NRXN1: variants seen among roughly 807,000 people sequenced by gnomAD.
The protein encoded by NRXN1 is neurexin-1.
A neutral mutation model predicts 150.9 loss-of-function variants in NRXN1; 39 were observed. The observed-to-expected ratio is 0.26, with a 90% CI of 0.20 to 0.34. The LOEUF is 0.34. Ranked by LOEUF, NRXN1 falls within the 10% of genes least tolerant of loss-of-function variation. The pLI is 1.00. For synonymous variants in NRXN1, 924 were observed against 757.0 expected (o/e 1.22, Z -3.62); for missense variants, 1,815 against 1,949.9 (o/e 0.93, Z 1.30).
At chr2:50,750,104 G>A (rs999972061) in intron 5 of NRXN1, among the ~76,000 whole-genome samples, 1 of 151,964 alleles carries the variant, frequency 6.6e-6, no homozygotes, top group African/African-American at 2.4e-5. Context: ...AGGTCCTGTA[G>A]TTCTATTCTA....
At chr2:50,484,925 A>C (rs2090756636) in intron 15 of NRXN1, among the ~76,000 whole-genome samples, 1 of 152,226 alleles carries the variant, frequency 6.6e-6, no homozygotes, top group Non-Finnish European at 1.5e-5. Context: ...GATTAAAATA[A>C]ATGTTAGCTT....
intron 15 of NRXN1, among the ~76,000 whole-genome samples, chr2:50,492,873 C>T (rs540352776): frequency 6.6e-6 from 1 of 152,184 alleles, no homozygotes; most frequent in Admixed American, 6.5e-5. Flanking sequence ...TGCATTATTT[C>T]AGGACTCTGA....
At chr2:50,702,181 T>C (rs367819816) in intron 5 of NRXN1, among the ~76,000 whole-genome samples, 1 of 152,114 alleles carries the variant, frequency 6.6e-6, no homozygotes, top group African/African-American at 2.4e-5. Context: ...CATTATTATG[T>C]ACAAAGCTCA....
At chr2:50,396,680 G>T (rs569105627) in intron 17 of NRXN1, among the ~76,000 whole-genome samples, 2 of 152,066 alleles carry the variant, frequency 1.3e-5, no homozygotes, top group Non-Finnish European at 2.9e-5. Context: ...GACTGTTTAA[G>T]TATAACCATA....
intron 17 of NRXN1, among the ~76,000 whole-genome samples, chr2:50,238,905 G>C (rs1199577626): frequency 1.3e-5 from 2 of 151,936 alleles, no homozygotes; most frequent in Non-Finnish European, 2.9e-5. Flanking sequence ...AAGCTATAGA[G>C]GCTGTACCCT....
At position 50,053,268 on chromosome 2, in the gene NRXN1, C is replaced by T. The variant is rs1274997363; in HGVS notation, c.4128+3G>A. ...AATGAAGGAATAAAATCCACAGGCT[C>T]ACCTGGCTAATGGGTTCTTTTGTCG... On this transcript the variant is annotated splice_donor_region_variant and intron_variant, in intron 21 of 22. Transcript: ENST00000401669. 1.2e-6 allele frequency: 2 copies of T among 1,613,746 alleles called. No homozygotes were observed. The highest frequency in any genetic ancestry group is 1.7e-5 in the Admixed American group (1 of 59,956).
chr2:50,201,040 T>A (rs552388287), intron 18 of NRXN1, among the ~76,000 whole-genome samples: 3 of 152,260 alleles, frequency 2.0e-5, no homozygotes, highest in Admixed American at 1.3e-4. Context: ...CTGTTTAATT[T>A]CTGAGGCCAG....
chr2:50,868,141 TTATATATATA>T (rs70958631), intron 5 of NRXN1, among the ~76,000 whole-genome samples: 2,715 of 87,534 alleles, frequency 0.031, 102 homozygotes, highest in Middle Eastern at 0.051. Context: ...AAACAAAATA[TTATATATATA>T]TATATATATA....
At chr2:50,584,821 T>C (rs959331601) in intron 8 of NRXN1, among the ~76,000 whole-genome samples, 1 of 152,184 alleles carries the variant, frequency 6.6e-6, no homozygotes, top group Non-Finnish European at 1.5e-5. Flanking sequence ...GTTCACAGTA[T>C]ATCTATATGA....
chr2:50,163,355 A>G (rs935161447), intron 18 of NRXN1, among the ~76,000 whole-genome samples: 10 of 152,062 alleles, frequency 6.6e-5, no homozygotes, highest in African/African-American at 9.7e-5. Flanking sequence ...ACTTTCTTCT[A>G]TTAAATTACC....
chr2:49,965,358 C>T (rs147285181), intron 21 of NRXN1, among the ~76,000 whole-genome samples: 250 of 152,192 alleles, frequency 1.6e-3, no homozygotes, highest in African/African-American at 5.7e-3. Context: ...CCTCCGCCTC[C>T]CAAGTTCAAA....
chr2:50,323,202 T>C (rs1342418647), intron 17 of NRXN1, among the ~76,000 whole-genome samples: 3 of 152,146 alleles, frequency 2.0e-5, no homozygotes, highest in South Asian at 2.1e-4. Context: ...CTCTAAAACT[T>C]TAACATACAG....
chr2:49,928,864 C>A (rs1669615541), intron 22 of NRXN1, among the ~76,000 whole-genome samples: 1 of 152,122 alleles, frequency 6.6e-6, no homozygotes, highest in Non-Finnish European at 1.5e-5. Context: ...CCCACCAATT[C>A]CACCCATGCC....
intron 17 of NRXN1, among the ~76,000 whole-genome samples, chr2:50,378,321 T>A (rs1313902144): frequency 6.6e-6 from 1 of 152,152 alleles, no homozygotes; most frequent in Non-Finnish European, 1.5e-5. Flanking sequence ...TAAGATGGGG[T>A]TATCTCCTGA....
chr2:50,091,292 ATCT>A, intron 19 of NRXN1, 28 bp downstream of exon 19: 1 of 1,613,216 alleles, frequency 6.2e-7, no homozygotes, highest in Non-Finnish European at 8.5e-7. Flanking sequence ...TTTTCATAAA[ATCT>A]TCCCCCGATA....
chr2:49,947,988 C>A (rs958921168), intron 21 of NRXN1, among the ~76,000 whole-genome samples: 2 of 151,876 alleles, frequency 1.3e-5, no homozygotes, highest in African/African-American at 4.8e-5. Context: ...AGATATTAAA[C>A]CGAAACTTGT....
intron 5 of NRXN1, among the ~76,000 whole-genome samples, chr2:50,873,274 A>C (rs1306702699): frequency 6.6e-6 from 1 of 151,870 alleles, no homozygotes; most frequent in Non-Finnish European, 1.5e-5. Context: ...ACGGTTGTTA[A>C]ATAAAAGCAA....
At chr2:50,930,122 T>C (rs755611725) in intron 2 of NRXN1, among the ~76,000 whole-genome samples, 15 of 152,050 alleles carry the variant, frequency 9.9e-5, no homozygotes, top group African/African-American at 2.2e-4. Flanking sequence ...CTAAATAATA[T>C]TGCAGGACAC....
chr2:50,814,903 A>G (rs1029012844), intron 5 of NRXN1, among the ~76,000 whole-genome samples: 1 of 152,134 alleles, frequency 6.6e-6, no homozygotes, highest in Non-Finnish European at 1.5e-5. Context: ...AGGGGAAGTA[A>G]GTTCTAGAAA....
Sources: gnomAD v4.1 joint callset for allele counts (sites outside exome capture counted in the v4.1 genomes callset) on GRCh38, gnomAD v4.1.1 for gene constraint, MANE v1.5 for transcripts, NCBI Gene and HGNC (gene_info 2026-07-23, HGNC 2026-07-21) for gene names.